EFL1: variants seen among roughly 807,000 people sequenced by gnomAD.
EFL1 encodes the protein elongation factor-like GTPase 1.
Under a neutral mutation model 126.7 loss-of-function variants are expected in EFL1, and 76 were observed. The observed-to-expected ratio is 0.60, with a 90% confidence interval of 0.50 to 0.73. The LOEUF (loss-of-function observed/expected upper bound fraction) is 0.73, where lower values mean the gene tolerates loss of function less well. EFL1 is among the 30% of genes least tolerant of loss of function. EFL1 has a pLI of 0.00. For missense variants in EFL1, 1,128 were observed against 1,343.2 expected (o/e 0.84, Z 2.50); for synonymous variants, 410 against 448.4 (o/e 0.91, Z 1.08).
chr15:82,235,177 A>G (rs1360794145), intron 7 of EFL1, among the ~76,000 whole-genome samples: 1 of 152,216 alleles, frequency 6.6e-6, no homozygotes, highest in Non-Finnish European at 1.5e-5. Context: ...GATGCTGAAC[A>G]AAAGTTACTT....
intron 3 of EFL1, among the ~76,000 whole-genome samples, chr15:82,258,036 T>A (rs940854287): frequency 1.3e-5 from 2 of 152,186 alleles, no homozygotes; most frequent in Non-Finnish European, 2.9e-5. Flanking sequence ...AACCCACACA[T>A]CAATTCCCAA....
chr15:82,226,800 A>C (rs2074768738), intron 11 of EFL1, among the ~76,000 whole-genome samples: 1 of 152,238 alleles, frequency 6.6e-6, no homozygotes, highest in Non-Finnish European at 1.5e-5. Context: ...CAAAGACTTG[A>C]ACCTTGCTTG....
At chr15:82,252,099 ATTTGT>A (rs1371195954) in intron 4 of EFL1, among the ~76,000 whole-genome samples, 7 of 152,296 alleles carry the variant, frequency 4.6e-5, no homozygotes, top group Admixed American at 3.3e-4. Context: ...TATATTAAAC[ATTTGT>A]TTTAACAGCT....
chr15:82,181,622 A>ATGTGTGTGTGTGTGTG (rs35063141), intron 15 of EFL1, among the ~76,000 whole-genome samples: 19 of 149,468 alleles, frequency 1.3e-4, no homozygotes, highest in African/African-American at 4.5e-4. Flanking sequence ...ATGTGTGTGC[A>ATGTGTGTGTGTGTGTG]TGTGTGTGTG....
At chr15:82,193,814 T>C (rs1336244845) in intron 15 of EFL1, among the ~76,000 whole-genome samples, 1 of 152,194 alleles carries the variant, frequency 6.6e-6, no homozygotes, top group Non-Finnish European at 1.5e-5. Context: ...TTGAATGTGC[T>C]TACAAAAATC....
chr15:82,217,373 G>GAAAAAAAAAAAAAAAAAAAAAAAAAAA, intron 14 of EFL1, among the ~76,000 whole-genome samples: 11 of 27,152 alleles, frequency 4.1e-4, no homozygotes, highest in Non-Finnish European at 5.5e-4. Context: ...GATTAGATTT[G>GAAAAAAAAAAAAAAAAAAAAAAAAAAA]AAAAAAAAAA....
At chr15:82,148,150 C>T (rs921366634) in intron 18 of EFL1, among the ~76,000 whole-genome samples, 6 of 151,920 alleles carry the variant, frequency 3.9e-5, no homozygotes, top group Admixed American at 1.3e-4. Flanking sequence ...GAGGCTGAGG[C>T]GGATGGATCA....
intron 7 of EFL1, 35 bp downstream of exon 7, chr15:82,238,272 T>G: frequency 6.2e-7 from 1 of 1,600,414 alleles, no homozygotes; most frequent in African/African-American, 1.3e-5. Context: ...ATATAAAATC[T>G]GCAAAGAGAT....
rs781205418 is a variant in EFL1, at chr15:82,151,770, T to C, written c.2684A>G (p.Glu895Gly). The part of the protein sequence containing the change: ...EPLMGVCFVL[E>G]KWDLSKFEEQ... ...CTCAAATTTACTTAGGTCCCATTTT[T>C]CCAGAACAAAACAGACACCCATGAG... The change falls in exon 18 of 20, where the codon GAA becomes GGA. Residue 895 changes from glutamate to glycine, a missense_variant. Physicochemically the swap from Glu to Gly is moderately conservative, Grantham distance 98 (BLOSUM62 -2). Transcript: ENST00000268206. 1 of 1,614,114 alleles carries C rather than the reference T, an allele frequency of 6.2e-7. No homozygotes were observed. The highest frequency in any genetic ancestry group is 8.5e-7 in the Non-Finnish European group (1 of 1,180,018).
In EFL1 at chr15:82,152,743, A is replaced by G. The variant is rs72749534; in HGVS notation, c.2031-320T>C. ...TTTTGAGCAGAAAATAAATGTTTTAATATATGAAATATGAATGCTTTAAAA... is the reference window on the plus strand; with the variant it reads ...TTTTGAGCAGAAAATAAATGTTTTAGTATATGAAATATGAATGCTTTAAAA... On this transcript the variant is annotated intron_variant, in intron 17 of 19. Transcript: ENST00000268206. Among the ~76,000 whole-genome samples, 1,053 of 152,290 alleles carry G rather than the reference A, an allele frequency of 6.9e-3. 10 individuals are homozygous for G. Among genetic ancestry groups the G allele is most frequent in the Non-Finnish European group, 8.2e-3 (555 of 68,022 alleles).
Position 82,159,281 on chromosome 15 carries a change from C to T in EFL1, c.1883-1421G>A, listed in dbSNP as rs185409213. On this transcript the variant is annotated intron_variant, in intron 16 of 19. Transcript: ENST00000268206. ...ACTGATAATACTATAATACTAATAA[C>T]ATAAGCACATGGGAATAATAAAAAA... Among the ~76,000 whole-genome samples, 527 of 152,028 alleles carry T rather than the reference C, an allele frequency of 3.5e-3. 2 individuals are homozygous for T. Among genetic ancestry groups the T allele is most frequent in the Non-Finnish European group, 5.8e-3 (392 of 68,004 alleles).
At chr15:82,194,651 T>C (rs751350880) in intron 15 of EFL1, among the ~76,000 whole-genome samples, 37 of 152,304 alleles carry the variant, frequency 2.4e-4, no homozygotes, top group Non-Finnish European at 3.5e-4. Context: ...AGCTACGATT[T>C]TAAACGGTGA....
intron 15 of EFL1, among the ~76,000 whole-genome samples, chr15:82,212,700 A>T (rs530397912): frequency 2.2e-4 from 34 of 152,348 alleles, no homozygotes; most frequent in African/African-American, 7.9e-4. Flanking sequence ...AATGCAGCCA[A>T]GAGTGTGGAC....
At chr15:82,162,440 T>G (rs955982620) in intron 16 of EFL1, among the ~76,000 whole-genome samples, 2 of 152,186 alleles carry the variant, frequency 1.3e-5, no homozygotes, top group African/African-American at 4.8e-5. Context: ...ATATCACAAC[T>G]TAAATAAAAC....
chr15:82,259,701 A>AT (rs2075096387), intron 2 of EFL1, among the ~76,000 whole-genome samples: 1 of 152,220 alleles, frequency 6.6e-6, no homozygotes, highest in East Asian at 1.9e-4. Context: ...AGTCTATGAG[A>AT]TTTTATGTGA....
At chr15:82,259,790 GT>G (rs1347719162) in intron 2 of EFL1, among the ~76,000 whole-genome samples, 2 of 152,082 alleles carry the variant, frequency 1.3e-5, no homozygotes, top group South Asian at 4.1e-4. Context: ...GCAAAGGAGG[GT>G]TTTTTTCCTT....
chr15:82,254,556 TTTTCTTTA>T (rs566118152), intron 3 of EFL1, among the ~76,000 whole-genome samples: 211 of 152,300 alleles, frequency 1.4e-3, no homozygotes, highest in Middle Eastern at 3.4e-3. Context: ...CATTTCCTTA[TTTTCTTTA>T]TAATTTTTAA....
chr15:82,205,643 CTG>C (rs2074516903), intron 15 of EFL1, among the ~76,000 whole-genome samples: 1 of 152,152 alleles, frequency 6.6e-6, no homozygotes, highest in Non-Finnish European at 1.5e-5. Flanking sequence ...TCAACAAAAA[CTG>C]TTCCAATTAT....
chr15:82,227,260 GA>G (rs1197185186), intron 11 of EFL1, among the ~76,000 whole-genome samples, 189 bp downstream of exon 11: 1 of 152,190 alleles, frequency 6.6e-6, no homozygotes, highest in Admixed American at 6.5e-5. Flanking sequence ...GCTGTAACAA[GA>G]AAACCTTTGG....
Sources: gnomAD v4.1 joint callset for allele counts (sites outside exome capture counted in the v4.1 genomes callset) on GRCh38, gnomAD v4.1.1 for gene constraint, MANE v1.5 for transcripts, NCBI Gene and HGNC (gene_info 2026-07-23, HGNC 2026-07-21) for gene names.